Variants in SGCZ observed in about 807,000 individuals in gnomAD.
SGCZ encodes zeta-sarcoglycan.
Under a neutral mutation model 41.3 loss-of-function variants are expected in SGCZ, and 40 were observed. That is an observed-to-expected ratio of 0.97 (90% CI 0.75 to 1.26). The LOEUF (loss-of-function observed/expected upper bound fraction) is 1.26, where lower values mean the gene tolerates loss of function less well. Ranked by LOEUF, SGCZ falls within the 50% of genes most tolerant of loss-of-function variation. SGCZ has a pLI of 0.00. For synonymous variants in SGCZ, 206 were observed against 137.5 expected (o/e 1.50, Z -3.49); for missense variants, 552 against 369.8 (o/e 1.49, Z -4.04).
chr8:14,886,905 G>A (rs1338298105), intron 1 of SGCZ, among the ~76,000 whole-genome samples: 1 of 152,092 alleles, frequency 6.6e-6, no homozygotes, highest in Non-Finnish European at 1.5e-5. Context: ...TAATGACCTA[G>A]GGCAGAGTAC....
At chr8:14,361,866 G>T (rs1803526547) in intron 2 of SGCZ, among the ~76,000 whole-genome samples, 1 of 152,170 alleles carries the variant, frequency 6.6e-6, no homozygotes, top group Non-Finnish European at 1.5e-5. Context: ...TGGGGTTTTG[G>T]TGTGGATGTC....
chr8:14,288,612 A>G (rs913138765), intron 3 of SGCZ, among the ~76,000 whole-genome samples: 1 of 152,208 alleles, frequency 6.6e-6, no homozygotes, highest in Non-Finnish European at 1.5e-5. Context: ...ATTATGTAAT[A>G]GTATTTCAAT....
chr8:15,157,703 A>G (rs1473522731), intron 1 of SGCZ, among the ~76,000 whole-genome samples: 3 of 152,126 alleles, frequency 2.0e-5, no homozygotes, highest in Non-Finnish European at 4.4e-5. Flanking sequence ...AGACACAGAC[A>G]CACTCTTAGG....
At chr8:14,461,326 C>T (rs1213837318) in intron 2 of SGCZ, among the ~76,000 whole-genome samples, 1 of 152,090 alleles carries the variant, frequency 6.6e-6, no homozygotes, top group Non-Finnish European at 1.5e-5. Context: ...CTGTTCTATA[C>T]ACAATGAATA....
chr8:14,863,647 T>C (rs1479699264), intron 1 of SGCZ, among the ~76,000 whole-genome samples: 3 of 152,174 alleles, frequency 2.0e-5, no homozygotes, highest in Non-Finnish European at 4.4e-5. Context: ...AAATATTTTG[T>C]TCTGTTTTCT....
intron 1 of SGCZ, among the ~76,000 whole-genome samples, chr8:15,047,175 A>G (rs1804337652): frequency 6.6e-6 from 1 of 152,028 alleles, no homozygotes; most frequent in East Asian, 1.9e-4. Context: ...ATAGTAATGG[A>G]CTAAAAATAT....
chr8:14,380,762 G>A (rs1467038009), intron 2 of SGCZ, among the ~76,000 whole-genome samples: 1 of 152,266 alleles, frequency 6.6e-6, no homozygotes, highest in Non-Finnish European at 1.5e-5. Flanking sequence ...GGAAGGCCGA[G>A]GTAGGAGAAT....
At chr8:14,887,583 C>T (rs1467827490) in intron 1 of SGCZ, among the ~76,000 whole-genome samples, 4 of 152,068 alleles carry the variant, frequency 2.6e-5, no homozygotes, top group African/African-American at 7.2e-5. Context: ...CATAGCTATA[C>T]ATATACATAT....
At chr8:15,023,024 T>A (rs971586154) in intron 1 of SGCZ, among the ~76,000 whole-genome samples, 1 of 152,134 alleles carries the variant, frequency 6.6e-6, no homozygotes, top group African/African-American at 2.4e-5. Flanking sequence ...ATTTTCTTCA[T>A]CCTTTTGTCT....
chr8:15,147,668 T>C (rs1250770470), intron 1 of SGCZ, among the ~76,000 whole-genome samples: 2 of 152,088 alleles, frequency 1.3e-5, no homozygotes, highest in African/African-American at 2.4e-5. Flanking sequence ...GAGGAAAAAC[T>C]TGCAGTAGGG....
Position 14,484,813 on chromosome 8 carries a change from T to C in SGCZ, c.234+69919A>G, listed in dbSNP as rs533049300. ...GAAAATCATTGTTGGTAATGAACCATAGAGATCATTTAGCTCTAAGTTAAA... is the reference window on the plus strand; with the variant it reads ...GAAAATCATTGTTGGTAATGAACCACAGAGATCATTTAGCTCTAAGTTAAA... On this transcript the variant is annotated intron_variant, in intron 2 of 7. Transcript: ENST00000382080. Among the ~76,000 whole-genome samples the C allele has an allele frequency of 8.5e-5, 13 of 152,336 alleles. No homozygotes were observed. The East Asian group carries it at 2.5e-3, about 29-fold the overall frequency.
chr8:14,946,034 A>C lies in SGCZ; in HGVS notation c.39+291551T>G, dbSNP rs1412275892. Among the ~76,000 whole-genome samples the C allele has an allele frequency of 5.4e-5, 6 of 110,116 alleles. 1 individual carries two copies. Among genetic ancestry groups the C allele is most frequent in the African/African-American group, 2.1e-4 (6 of 29,026 alleles). 72.2% of individuals were successfully genotyped at this position (110,116 alleles called of 152,430 possible). Reference sequence around the variant, plus strand: ...TATATATATATATATATATATATATATATATATATATATATATATATGAAT... The same window carrying C: ...TATATATATATATATATATATATATCTATATATATATATATATATATGAAT... On this transcript the variant is annotated intron_variant, in intron 1 of 7. Transcript: ENST00000382080.
At chr8:14,341,878 A>G (rs550519583) in intron 2 of SGCZ, among the ~76,000 whole-genome samples, 207 of 152,340 alleles carry the variant, frequency 1.4e-3, no homozygotes, top group Non-Finnish European at 2.5e-3. Flanking sequence ...TAGAAGTCCA[A>G]TTAAACCTCT....
At chr8:14,935,727 T>C (rs1800061836) in intron 1 of SGCZ, among the ~76,000 whole-genome samples, 2 of 151,850 alleles carry the variant, frequency 1.3e-5, no homozygotes, top group African/African-American at 2.4e-5. Context: ...ATAAAGTAAC[T>C]TTTAAAAAGT....
intron 1 of SGCZ, among the ~76,000 whole-genome samples, chr8:14,959,269 T>C (rs1288625379): frequency 1.3e-5 from 2 of 152,084 alleles, no homozygotes; most frequent in African/African-American, 4.8e-5. Flanking sequence ...ACAATGGAGA[T>C]GGAAATGAAG....
intron 2 of SGCZ, among the ~76,000 whole-genome samples, chr8:14,360,186 C>T (rs1186612885): frequency 1.3e-5 from 2 of 152,020 alleles, no homozygotes; most frequent in Non-Finnish European, 2.9e-5. Context: ...GAAGCCCTGC[C>T]CTTAAAATCT....
At chr8:14,524,920 G>C (rs895293911) in intron 2 of SGCZ, among the ~76,000 whole-genome samples, 1 of 151,786 alleles carries the variant, frequency 6.6e-6, no homozygotes, top group Non-Finnish European at 1.5e-5. Context: ...CCAAATTCTG[G>C]GTCCACTGTC....
chr8:14,710,646 G>C (rs1809486605), intron 1 of SGCZ, among the ~76,000 whole-genome samples: 1 of 151,830 alleles, frequency 6.6e-6, no homozygotes, highest in Non-Finnish European at 1.5e-5. Context: ...TTTCAAATAA[G>C]AATATACAAA....
At chr8:14,624,690 C>T (rs1210262736) in intron 1 of SGCZ, among the ~76,000 whole-genome samples, 1 of 150,652 alleles carries the variant, frequency 6.6e-6, no homozygotes, top group African/African-American at 2.4e-5. Context: ...CCTACCTCAG[C>T]CTCCCAAGTA....
Sources: allele counts gnomAD v4.1 joint callset (sites outside exome capture counted in the v4.1 genomes callset), GRCh38; gene constraint gnomAD v4.1.1; transcripts MANE v1.5; gene names NCBI Gene and HGNC (gene_info 2026-07-23, HGNC 2026-07-21).